The following PTPRG variants were observed in gnomAD, a reference collection of about 807,000 sequenced individuals.
PTPRG encodes the protein protein tyrosine phosphatase receptor type G, also known as receptor-type tyrosine-protein phosphatase gamma.
A neutral mutation model predicts 165.3 loss-of-function variants in PTPRG; 102 were observed. The ratio of observed to expected loss-of-function variants is 0.62; its 90% confidence interval spans 0.53 to 0.73. The LOEUF (loss-of-function observed/expected upper bound fraction) is 0.73. PTPRG is among the 30% of genes least tolerant of loss of function. The probability of loss-of-function intolerance (pLI) is 0.00; values close to 1 mark genes in which losing one functional copy is unlikely to be tolerated. For synonymous variants in PTPRG, 675 were observed against 669.5 expected, an observed-to-expected ratio of 1.01 and a Z score of -0.13; for missense variants, 1,866 against 1,861.4, an observed-to-expected ratio of 1.00 and a Z score of -0.05.
rs1045695519 is a variant in PTPRG at position 61,728,043 on chromosome 3, A to G, written c.86-20835A>G. On this transcript the variant is annotated intron_variant, in intron 1 of 29. Coordinates refer to ENST00000474889, the MANE Select transcript of PTPRG (RefSeq NM_002841.4). ...GTTGACATTTGCCACTTTCAGTCCCATTTCCATCTCCATGTCTTTCTTTCA... is the reference window on the plus strand; with the variant it reads ...GTTGACATTTGCCACTTTCAGTCCCGTTTCCATCTCCATGTCTTTCTTTCA... Among the ~76,000 whole-genome samples the G allele has an allele frequency of 5.9e-5, 9 of 152,284 alleles. 1 individual carries two copies. The South Asian group carries it at 1.5e-3, about 25-fold the overall frequency.
At chr3:62,193,003 C>T (rs193018714) in intron 9 of PTPRG, among the ~76,000 whole-genome samples, 1 of 152,274 alleles carries the variant, frequency 6.6e-6, no homozygotes. Context: ...AATTTCCCCA[C>T]TAGACATTGT....
At chr3:61,588,429 C>T (rs1038053038) in intron 1 of PTPRG, among the ~76,000 whole-genome samples, 4 of 151,624 alleles carry the variant, frequency 2.6e-5, no homozygotes, top group South Asian at 2.1e-4. Context: ...TTGCCCAGGC[C>T]GGAGTGATGT....
At chr3:62,246,276 T>G (rs544811481) in intron 15 of PTPRG, among the ~76,000 whole-genome samples, 1 of 152,350 alleles carries the variant, frequency 6.6e-6, no homozygotes, top group East Asian at 1.9e-4. Context: ...AGGGCTTACC[T>G]AGTGAAATGA....
intron 2 of PTPRG, among the ~76,000 whole-genome samples, chr3:61,976,739 A>G (rs1015096305): frequency 6.6e-6 from 1 of 151,850 alleles, no homozygotes; most frequent in African/African-American, 2.4e-5. Context: ...CAGTGGCACG[A>G]TCTCGGCTCA....
chr3:62,283,233 T>C (rs2148891430), intron 28 of PTPRG, among the ~76,000 whole-genome samples: 1 of 152,226 alleles, frequency 6.6e-6, no homozygotes, highest in Middle Eastern at 3.4e-3. Flanking sequence ...TTACACTGAA[T>C]TTCAAACACT....
At chr3:61,887,828 C>T (rs1283580155) in intron 2 of PTPRG, among the ~76,000 whole-genome samples, 2 of 151,896 alleles carry the variant, frequency 1.3e-5, no homozygotes, top group African/African-American at 2.4e-5. Flanking sequence ...AAAATTAATA[C>T]ACCACTCATC....
At chr3:62,078,036 G>T in intron 4 of PTPRG, 127 bp from the exon 5 acceptor site, 247 of 531,130 alleles carry the variant, frequency 4.7e-4, no homozygotes, top group Middle Eastern at 2.2e-3. Context: ...GGAAAAATAT[G>T]AACAGGTGAA....
intron 2 of PTPRG, among the ~76,000 whole-genome samples, chr3:61,821,752 A>G (rs1231733454): frequency 1.3e-5 from 2 of 152,194 alleles, no homozygotes; most frequent in South Asian, 2.1e-4. Context: ...AGCGATGACA[A>G]TACTGAATAT....
In PTPRG at chr3:61,726,691, A is replaced by C. The variant is rs1372221595; in HGVS notation, c.86-22187A>C. ...ATTATTGTATTTTTGCATCCCTAGA[A>C]ATTTTCTTTGTTGGATTGACAGTTC... On this transcript the variant is annotated intron_variant, in intron 1 of 29. Coordinates refer to ENST00000474889, the MANE Select transcript of PTPRG (RefSeq NM_002841.4). 3.9e-5 allele frequency among the ~76,000 whole-genome samples: 6 copies of C among 152,108 alleles called. No individual in the cohort carries two copies. The East Asian group carries it at 7.7e-4, about 20-fold the overall frequency.
At chr3:61,871,163 G>GTTA (rs2037566057) in intron 2 of PTPRG, among the ~76,000 whole-genome samples, 75 of 116,656 alleles carry the variant, frequency 6.4e-4, no homozygotes, top group Admixed American at 1.7e-3. Context: ...GTGTTGTGTT[G>GTTA]TGTTATGTTA....
chr3:61,973,849 T>A (rs1482291899), intron 2 of PTPRG, among the ~76,000 whole-genome samples: 1 of 151,706 alleles, frequency 6.6e-6, no homozygotes, highest in East Asian at 1.9e-4. Context: ...AATAAATAAA[T>A]AAATAAATAA....
chr3:61,671,767 G>C (rs1415888533), intron 1 of PTPRG, among the ~76,000 whole-genome samples: 1 of 144,994 alleles, frequency 6.9e-6, no homozygotes, highest in Non-Finnish European at 1.5e-5. Flanking sequence ...CCGGGCGGGG[G>C]GCTGACCCCC....
rs566397266 is a variant in PTPRG, at chr3:61,938,641, GTT to G, written c.191-50978_191-50977del. ...GTGTCTGCTAATGAAAGTTGTACCT[GTT>G]TTTTTCACTTAAGGTGCGGTCAGTT... On this transcript the variant is annotated intron_variant, in intron 2 of 29. Transcript: ENST00000474889. Among the ~76,000 whole-genome samples, 793 of 152,094 alleles carry G rather than the reference GTT, an allele frequency of 5.2e-3. 9 individuals carry two copies. The highest frequency in any genetic ancestry group is 0.018 in the African/African-American group (755 of 41,482).
At chr3:61,727,472 A>T (rs986370976) in intron 1 of PTPRG, among the ~76,000 whole-genome samples, 1 of 152,240 alleles carries the variant, frequency 6.6e-6, no homozygotes, top group Admixed American at 6.5e-5. Flanking sequence ...AGTTAAAACC[A>T]TGGATTTTAT....
intron 5 of PTPRG, among the ~76,000 whole-genome samples, chr3:62,108,131 G>A (rs189813809): frequency 4.9e-4 from 74 of 151,928 alleles, no homozygotes; most frequent in African/African-American, 1.7e-3. Flanking sequence ...GTGCCCTGGT[G>A]GTTTGCTGCA....
intron 1 of PTPRG, among the ~76,000 whole-genome samples, chr3:61,577,869 T>C (rs939684038): frequency 2.0e-5 from 3 of 152,230 alleles, no homozygotes; most frequent in African/African-American, 7.2e-5. Context: ...TCCTAGAAGA[T>C]ACTGCCTCTG....
intron 2 of PTPRG, among the ~76,000 whole-genome samples, chr3:61,867,554 A>G (rs1009952615): frequency 2.0e-5 from 3 of 151,974 alleles, no homozygotes; most frequent in African/African-American, 7.3e-5. Flanking sequence ...AAAATAGGGG[A>G]GTTGAGGGCC....
intron 2 of PTPRG, among the ~76,000 whole-genome samples, chr3:61,876,535 A>G (rs1189667414): frequency 6.6e-6 from 1 of 152,240 alleles, no homozygotes; most frequent in Non-Finnish European, 1.5e-5. Flanking sequence ...CAACTTCTCT[A>G]TAAATCTAAA....
intron 1 of PTPRG, among the ~76,000 whole-genome samples, chr3:61,601,097 A>C (rs1217650652): frequency 1.3e-5 from 2 of 152,164 alleles, no homozygotes; most frequent in Non-Finnish European, 2.9e-5. Flanking sequence ...TCTACCAAAA[A>C]ATAGAAAAAT....
Sources: allele counts gnomAD v4.1 joint callset (sites outside exome capture counted in the v4.1 genomes callset), GRCh38; gene constraint gnomAD v4.1.1; transcripts MANE v1.5; gene names NCBI Gene and HGNC (gene_info 2026-07-23, HGNC 2026-07-21).